The following ZNF804B variants were observed in gnomAD, a reference collection of about 807,000 sequenced individuals.
The protein encoded by ZNF804B is zinc finger protein 804B.
In ZNF804B, 80 loss-of-function variants were observed where a neutral mutation model predicts 101.4. That is an observed-to-expected ratio of 0.79 (90% CI 0.66 to 0.95). The LOEUF (loss-of-function observed/expected upper bound fraction) is 0.95, where lower values mean the gene tolerates loss of function less well. Among genes scored for constraint, ZNF804B ranks in the 40% least tolerant of loss-of-function variants. ZNF804B has a pLI of 0.00. For synonymous variants in ZNF804B, 622 were observed against 558.8 expected (o/e 1.11, Z -1.59); for missense variants, 1,673 against 1,561.9 (o/e 1.07, Z -1.20).
At chr7:88,807,506 G>C (rs1031605537) in intron 1 of ZNF804B, among the ~76,000 whole-genome samples, 8 of 152,188 alleles carry the variant, frequency 5.3e-5, no homozygotes, top group African/African-American at 1.9e-4. Flanking sequence ...TCTAAGAGGA[G>C]AGAATGTTGC....
rs183014035 is a variant in ZNF804B at position 89,183,788 on chromosome 7, G to T, written c.109-34367G>T. On this transcript the variant is annotated intron_variant, in intron 1 of 3. Transcript: ENST00000333190. ...AGTCATTTTATTTATGCGTCTGTCTGCACATTCACGTCTAAATCCTTCTGG... is the reference window on the plus strand; with the variant it reads ...AGTCATTTTATTTATGCGTCTGTCTTCACATTCACGTCTAAATCCTTCTGG... 2.4e-3 allele frequency among the ~76,000 whole-genome samples: 369 copies of T among 152,242 alleles called. 2 individuals carry two copies. Among genetic ancestry groups the T allele is most frequent in the Non-Finnish European group, 3.9e-3 (268 of 68,016 alleles).
At chr7:89,070,443 G>A (rs998267773) in intron 1 of ZNF804B, among the ~76,000 whole-genome samples, 24 of 152,254 alleles carry the variant, frequency 1.6e-4, no homozygotes, top group South Asian at 2.1e-4. Flanking sequence ...CCAGAATGAT[G>A]TAATAACACT....
chr7:89,040,437 C>G (rs1357773461), intron 1 of ZNF804B, among the ~76,000 whole-genome samples: 1 of 151,988 alleles, frequency 6.6e-6, no homozygotes, highest in Non-Finnish European at 1.5e-5. Context: ...TTGTGTTATT[C>G]AGCTCCAGAA....
chr7:88,776,015 G>C (rs938723108), intron 1 of ZNF804B, among the ~76,000 whole-genome samples: 27 of 152,158 alleles, frequency 1.8e-4, no homozygotes, highest in Admixed American at 1.3e-4. Flanking sequence ...GAGTTGGACT[G>C]AGCTGGTTTG....
At chr7:89,310,051 C>T (rs1188188284) in intron 2 of ZNF804B, among the ~76,000 whole-genome samples, 2 of 150,618 alleles carry the variant, frequency 1.3e-5, no homozygotes, top group Non-Finnish European at 2.9e-5. Flanking sequence ...TGGAAGTCTA[C>T]TCAGGTTGAC....
chr7:88,867,814 G>C (rs1274699839), intron 1 of ZNF804B, among the ~76,000 whole-genome samples: 1 of 152,028 alleles, frequency 6.6e-6, no homozygotes, highest in African/African-American at 2.4e-5. Flanking sequence ...TGAGACAGTT[G>C]CTATAATTAT....
intron 1 of ZNF804B, among the ~76,000 whole-genome samples, chr7:88,940,382 A>G (rs1011084501): frequency 6.6e-6 from 1 of 152,084 alleles, no homozygotes; most frequent in Admixed American, 6.6e-5. Flanking sequence ...TAAAAATTAG[A>G]TAAGTATTCA....
chr7:88,845,788 G>A (rs755194519), intron 1 of ZNF804B, among the ~76,000 whole-genome samples: 1 of 152,106 alleles, frequency 6.6e-6, no homozygotes, highest in Non-Finnish European at 1.5e-5. Context: ...CTGATTGCTG[G>A]TATAATTGTT....
In ZNF804B at chr7:88,855,204, G is replaced by A. The variant is rs562443351; in HGVS notation, c.108+95120G>A. Among the ~76,000 whole-genome samples, 547 of 152,164 alleles carry A rather than the reference G, an allele frequency of 3.6e-3. 11 individuals carry two copies. The highest frequency in any genetic ancestry group is 0.012 in the African/African-American group (513 of 41,538). ...ACTGACTTCCACAATGGTTGAACTA[G>A]TTTACAGTCTCACCAACATTGTAAA... is the stretch of plus-strand genomic sequence containing the variant. On this transcript the variant is annotated intron_variant, in intron 1 of 3. Transcript: ENST00000333190.
intron 1 of ZNF804B, among the ~76,000 whole-genome samples, chr7:88,965,529 T>C (rs549748629): frequency 6.6e-6 from 1 of 151,558 alleles, no homozygotes; most frequent in East Asian, 2.0e-4. Flanking sequence ...CATTTTTCCA[T>C]TTACGTTTGG....
Position 88,933,601 on chromosome 7 carries a change from A to G in ZNF804B, c.108+173517A>G, listed in dbSNP as rs1054679972. Among the ~76,000 whole-genome samples the G allele has an allele frequency of 2.0e-5, 3 of 152,076 alleles. No individual in the cohort carries two copies. In the South Asian group the frequency reaches 6.2e-4, roughly 31 times the overall value. Reference sequence around the variant, plus strand: ...ATTCAGTAAAGTCTCAAGATACAAAATCAACGTACGTGAATCAGTAGCACT... The same window carrying G: ...ATTCAGTAAAGTCTCAAGATACAAAGTCAACGTACGTGAATCAGTAGCACT... On this transcript the variant is annotated intron_variant, in intron 1 of 3. Transcript: ENST00000333190.
At chr7:88,981,185 A>T (rs1368727324) in intron 1 of ZNF804B, among the ~76,000 whole-genome samples, 5 of 152,020 alleles carry the variant, frequency 3.3e-5, no homozygotes, top group African/African-American at 1.2e-4. Flanking sequence ...ACTGACGTTT[A>T]TTCAAGGCCC....
chr7:89,159,496 A>G (rs1489272701), intron 1 of ZNF804B, among the ~76,000 whole-genome samples: 7 of 152,140 alleles, frequency 4.6e-5, no homozygotes, highest in African/African-American at 9.7e-5. Context: ...ATTAAATGCT[A>G]CAGAGAAGAG....
At chr7:89,222,273 T>C (rs16868994) in intron 2 of ZNF804B, among the ~76,000 whole-genome samples, 89,327 of 151,676 alleles carry the variant, frequency 0.59, 26,822 homozygotes, top group African/African-American at 0.63. Flanking sequence ...ACCTCTGCTT[T>C]TTGCAGTGCA....
At chr7:89,197,141 A>T (rs62463595) in intron 1 of ZNF804B, among the ~76,000 whole-genome samples, 11,675 of 152,012 alleles carry the variant, frequency 0.077, 539 homozygotes, top group Middle Eastern at 0.2. Flanking sequence ...TGTGCAGCAA[A>T]CCACTGTGTC....
chr7:89,072,988 G>T (rs1789565630), intron 1 of ZNF804B, among the ~76,000 whole-genome samples: 1 of 152,058 alleles, frequency 6.6e-6, no homozygotes, highest in Non-Finnish European at 1.5e-5. Flanking sequence ...ATAGTTACTA[G>T]CCCTCAATCA....
chr7:89,287,574 G>A (rs563282208), intron 2 of ZNF804B, among the ~76,000 whole-genome samples: 5 of 152,170 alleles, frequency 3.3e-5, no homozygotes, highest in African/African-American at 1.2e-4. Flanking sequence ...TTTGTTGGGG[G>A]CACCTAAAGA....
intron 2 of ZNF804B, among the ~76,000 whole-genome samples, chr7:89,247,867 A>G (rs1192637736): frequency 1.3e-5 from 2 of 152,202 alleles, no homozygotes; most frequent in Non-Finnish European, 2.9e-5. Flanking sequence ...AATGCAATTC[A>G]GGAAAGGAAA....
intron 2 of ZNF804B, among the ~76,000 whole-genome samples, chr7:89,299,578 C>CACA (rs1171138246): frequency 2.6e-5 from 4 of 151,832 alleles, no homozygotes; most frequent in African/African-American, 9.7e-5. Flanking sequence ...GAAAAATATC[C>CACA]ACAACAACAA....
Sources: allele counts gnomAD v4.1 joint callset (sites outside exome capture counted in the v4.1 genomes callset), GRCh38; gene constraint gnomAD v4.1.1; transcripts MANE v1.5; gene names NCBI Gene and HGNC (gene_info 2026-07-23, HGNC 2026-07-21).